EPS15L1: variants seen among roughly 807,000 people sequenced by gnomAD.
The protein encoded by EPS15L1 is epidermal growth factor receptor pathway substrate 15 like 1.
Under a neutral mutation model 117.1 loss-of-function variants are expected in EPS15L1, and 43 were observed. The ratio of observed to expected loss-of-function variants is 0.37; its 90% CI spans 0.29 to 0.47. The LOEUF (loss-of-function observed/expected upper bound fraction) is 0.47, where lower values mean the gene tolerates loss of function less well. Among genes scored for constraint, EPS15L1 ranks in the 20% least tolerant of loss-of-function variants. The pLI, the probability that EPS15L1 is intolerant of heterozygous loss-of-function variation, is 0.99. For missense variants in EPS15L1, 981 were observed against 1,164.0 expected (o/e 0.84, Z 2.29); for synonymous variants, 459 against 470.5 (o/e 0.98, Z 0.32).
intron 1 of EPS15L1, among the ~76,000 whole-genome samples, chr19:16,469,325 G>A (rs930296603): frequency 8.5e-5 from 13 of 152,092 alleles, no homozygotes; most frequent in African/African-American, 2.4e-4. Context: ...GAAGACCGAC[G>A]GGCTCCAGTG....
chr19:16,465,986 A>ATTTTTTT (rs1210019369), intron 1 of EPS15L1, among the ~76,000 whole-genome samples: 2 of 126,210 alleles, frequency 1.6e-5, no homozygotes, highest in African/African-American at 6.0e-5. Context: ...CACTTTATCT[A>ATTTTTTT]TTTTTTTTTT....
At chr19:16,388,623 C>G (rs1214372260) in intron 19 of EPS15L1, among the ~76,000 whole-genome samples, 2 of 151,830 alleles carry the variant, frequency 1.3e-5, no homozygotes, top group Non-Finnish European at 2.9e-5. Context: ...GTCAGAAGAT[C>G]GAGACCATCC....
chr19:16,422,472 A>G (rs2092826293), intron 9 of EPS15L1, among the ~76,000 whole-genome samples: 1 of 152,242 alleles, frequency 6.6e-6, no homozygotes, highest in South Asian at 2.1e-4. Flanking sequence ...AATAGCAATG[A>G]GAATAAACAC....
chr19:16,448,161 G>A (rs964638641), intron 1 of EPS15L1, among the ~76,000 whole-genome samples: 3 of 152,148 alleles, frequency 2.0e-5, no homozygotes, highest in African/African-American at 4.8e-5. Flanking sequence ...AAAGCAAAGA[G>A]TTCTTAGACT....
chr19:16,363,655 A>G (rs1305676541), intron 22 of EPS15L1, among the ~76,000 whole-genome samples: 1 of 152,082 alleles, frequency 6.6e-6, no homozygotes, highest in Non-Finnish European at 1.5e-5. Context: ...TTATCTGTGA[A>G]GTGGAAATGA....
chr19:16,400,349 ACAAAAAC>A lies in EPS15L1; in HGVS notation c.1791+1965_1791+1971del, dbSNP rs200622025. 6.6e-4 allele frequency among the ~76,000 whole-genome samples: 99 copies of A among 151,140 alleles called. 3 individuals are homozygous for A. The highest frequency in any genetic ancestry group is 3.3e-3 in the Admixed American group (49 of 15,010). ...GAGACTCCGTCTCAAAAAAAAAAAA[ACAAAAAC>A]AAAAAAAAAAAAAAACCCCTGACTT... On this transcript the variant is annotated intron_variant, in intron 16 of 23. Coordinates refer to ENST00000455140, the MANE Select transcript of EPS15L1 (RefSeq NM_001258374.3).
chr19:16,470,416 A>G (rs1429352081), intron 1 of EPS15L1, among the ~76,000 whole-genome samples: 2 of 152,030 alleles, frequency 1.3e-5, no homozygotes, highest in Non-Finnish European at 2.9e-5. Flanking sequence ...AGGAAGTTTT[A>G]GAAAGATCCA....
chr19:16,439,975 T>C (rs1036402496), intron 4 of EPS15L1, among the ~76,000 whole-genome samples: 7 of 138,392 alleles, frequency 5.1e-5, no homozygotes, highest in African/African-American at 1.9e-4. Context: ...GGCTAAGGCA[T>C]GAGAATCTTG....
At chr19:16,385,300 A>G in intron 20 of EPS15L1, 89 bp from the exon 21 acceptor site, 2 of 1,070,530 alleles carry the variant, frequency 1.9e-6, no homozygotes, top group Non-Finnish European at 2.9e-6. Context: ...TGGCCCCTGA[A>G]CCAGGAGACT....
chr19:16,449,898 C>G (rs998338294), intron 1 of EPS15L1, among the ~76,000 whole-genome samples: 2 of 152,138 alleles, frequency 1.3e-5, no homozygotes, highest in South Asian at 4.1e-4. Flanking sequence ...AAGGCCAAAC[C>G]TCAAAGGTTA....
chr19:16,457,244 G>T (rs544867780), intron 1 of EPS15L1, among the ~76,000 whole-genome samples: 2 of 152,354 alleles, frequency 1.3e-5, no homozygotes, highest in African/African-American at 4.8e-5. Flanking sequence ...CTTGGTGCAG[G>T]TGTGGAGGTG....
chr19:16,413,501 C>G, intron 13 of EPS15L1: 1 of 721,902 alleles, frequency 1.4e-6, no homozygotes, highest in East Asian at 2.5e-5. Context: ...ATCAGGAGTT[C>G]ACTGACCACC....
At chr19:16,445,277 G>C (rs2093072246) in intron 1 of EPS15L1, among the ~76,000 whole-genome samples, 1 of 152,070 alleles carries the variant, frequency 6.6e-6, no homozygotes, top group African/African-American at 2.4e-5. Flanking sequence ...CATCCGGCTC[G>C]AACACTTGAT....
intron 8 of EPS15L1, 102 bp downstream of exon 8, chr19:16,428,600 A>AAAGAAAAGAAAAGAAAAG: frequency 1.3e-6 from 1 of 751,056 alleles, no homozygotes. Context: ...AAAGAAAAGA[A>AAAGAAAAGAAAAGAAAAG]AAAAGAAAAG....
upstream of EPS15L1, chr19:16,471,981 CGG>C: frequency 8.7e-6 from 11 of 1,261,866 alleles, no homozygotes; most frequent in Non-Finnish European, 1.1e-5. This position sits in a 1 kb window ranked among gnomAD's most constrained non-coding sequence, Gnocchi z 4.8. Context: ...GCCGGGGGAA[CGG>C]GGGCGGGGCT....
chr19:16,399,759 C>G lies in EPS15L1; in HGVS notation c.1791+2562G>C, dbSNP rs77200946. ...GCAGTGGCACGCAGCTGGCCTCAAG[C>G]AATCCTCCCACCTCAGCCTCCCAAA... On this transcript the variant is annotated intron_variant, in intron 16 of 23. Transcript: ENST00000455140. Among the ~76,000 whole-genome samples, 680 of 151,516 alleles carry G rather than the reference C, an allele frequency of 4.5e-3. 8 individuals are homozygous for G. Among genetic ancestry groups the G allele is most frequent in the African/African-American group, 0.015 (638 of 41,238 alleles).
chr19:16,366,318 AAGG>A (rs1440420032), intron 22 of EPS15L1, among the ~76,000 whole-genome samples: 2 of 152,114 alleles, frequency 1.3e-5, no homozygotes, highest in Non-Finnish European at 2.9e-5. Flanking sequence ...CACGGTACAG[AAGG>A]TTCAAATAAA....
intron 1 of EPS15L1, among the ~76,000 whole-genome samples, chr19:16,442,731 T>C (rs1290323710): frequency 6.6e-6 from 1 of 152,222 alleles, no homozygotes; most frequent in Non-Finnish European, 1.5e-5. Context: ...AGACGCACAC[T>C]GACCAGCCCG....
intron 1 of EPS15L1, among the ~76,000 whole-genome samples, chr19:16,450,025 A>G (rs2093124595): frequency 6.6e-6 from 1 of 151,926 alleles, no homozygotes. Flanking sequence ...GGGTGTGGCT[A>G]TAAAAGGGCA....
Sources: gnomAD v4.1 joint callset for allele counts (sites outside exome capture counted in the v4.1 genomes callset) on GRCh38, gnomAD v4.1.1 for gene constraint, Gnocchi (gnomAD v3.1) non-coding constraint, MANE v1.5 for transcripts, NCBI Gene and HGNC (gene_info 2026-07-23, HGNC 2026-07-21) for gene names.